PJA2: variants seen among roughly 807,000 people sequenced by gnomAD.
The protein encoded by PJA2 is E3 ubiquitin-protein ligase Praja-2.
PJA2 carries 25 observed loss-of-function variants against 69.3 expected under a neutral mutation model. That is an observed-to-expected ratio of 0.36 (90% CI 0.26 to 0.50). The LOEUF (loss-of-function observed/expected upper bound fraction) is 0.50. PJA2 is among the 20% of genes least tolerant of loss of function. The probability of loss-of-function intolerance (pLI) is 0.96; values close to 1 mark genes in which losing one functional copy is unlikely to be tolerated. For synonymous variants in PJA2, 308 were observed against 277.8 expected, an observed-to-expected ratio of 1.11 and a Z score of -1.08; for missense variants, 809 against 830.2, an observed-to-expected ratio of 0.97 and a Z score of 0.31.
intron 1 of PJA2, among the ~76,000 whole-genome samples, chr5:109,399,276 G>T (rs1747487466): frequency 6.6e-6 from 1 of 151,506 alleles, no homozygotes; most frequent in African/African-American, 2.4e-5. Flanking sequence ...CAGCATCATT[G>T]GCCCATACCC....
At chr5:109,383,560 G>T in intron 1 of PJA2, 40 bp from the exon 2 acceptor site, 1 of 726,610 alleles carries the variant, frequency 1.4e-6, no homozygotes. Flanking sequence ...ATTAATAAAA[G>T]CACAAAAATA....
chr5:109,344,440 C>A, intron 8 of PJA2, 129 bp from the exon 9 acceptor site: 1 of 1,010,304 alleles, frequency 9.9e-7, no homozygotes, highest in South Asian at 2.2e-5. Context: ...AGTTAATTGG[C>A]AGGCATTTCT....
chr5:109,394,039 CTTTTT>C lies in PJA2; in HGVS notation c.-87-10524_-87-10520del, dbSNP rs75679188. Among the ~76,000 whole-genome samples the C allele has an allele frequency of 1.6e-4, 13 of 81,880 alleles. No homozygotes were observed. In the South Asian group the frequency reaches 2.9e-3, roughly 18 times the overall value. The allele number at this position is 81,880 out of a possible 152,430, so 53.7% of individuals were successfully genotyped here. A position where few individuals can be genotyped will look rare whatever the true frequency, so the allele number is the denominator to read the frequency against. On this transcript the variant is annotated intron_variant, in intron 1 of 9. Coordinates refer to ENST00000361189, the MANE Select transcript of PJA2 (RefSeq NM_014819.5). ...GATGTGCTAGTAACATTCTAATTCT[CTTTTT>C]TTTTTTTTTTTTTTTTTTTTGGAGA...
chr5:109,365,416 T>C (rs1469170421), intron 5 of PJA2, among the ~76,000 whole-genome samples: 1 of 152,196 alleles, frequency 6.6e-6, no homozygotes, highest in African/African-American at 2.4e-5. Flanking sequence ...CACATATGTC[T>C]ACACAATGTG....
rs2127006656 is a variant in PJA2, at chr5:109,379,092, A to G, written c.395T>C (p.Leu132Ser). Residue 132 changes from leucine to serine, a missense_variant, in exon 4 of 10, where the codon TTA becomes TCA. Physicochemically the swap from Leu to Ser is moderately radical, Grantham distance 145 (BLOSUM62 -2). Transcript: ENST00000361189. ...ATTATGAAGATTTGTACTGCTTCCT[A>G]AGGTATCCCTGCCTTCCTCACTGTG... ...VHHSEEGRDT[L>S]GSSTNLHNHS... is the part of the protein sequence containing the mutation. 1 of 1,614,042 alleles carries G rather than the reference A, an allele frequency of 6.2e-7. No individual in the cohort carries two copies. The highest frequency in any genetic ancestry group is 1.3e-5 in the African/African-American group (1 of 75,014).
chr5:109,354,729 A>G, intron 7 of PJA2, among the ~76,000 whole-genome samples: 1 of 146,904 alleles, frequency 6.8e-6, no homozygotes, highest in East Asian at 2.0e-4. Context: ...TATATATTAT[A>G]TATTAGAGAG....
intron 6 of PJA2, among the ~76,000 whole-genome samples, chr5:109,356,777 T>A (rs1272383417): frequency 6.6e-6 from 1 of 152,184 alleles, no homozygotes; most frequent in Non-Finnish European, 1.5e-5. Flanking sequence ...TCTGTCTTCT[T>A]CTAAGATTAG....
intron 1 of PJA2, among the ~76,000 whole-genome samples, chr5:109,385,213 T>A (rs916069471): frequency 2.0e-5 from 3 of 152,202 alleles, no homozygotes; most frequent in Non-Finnish European, 4.4e-5. Flanking sequence ...GGCTACTGTA[T>A]TGAATAGCAT....
chr5:109,349,123 G>C (rs1289349363), intron 7 of PJA2, among the ~76,000 whole-genome samples: 1 of 152,148 alleles, frequency 6.6e-6, no homozygotes, highest in Non-Finnish European at 1.5e-5. Flanking sequence ...TATTTTGTTG[G>C]GTGGAAATAC....
chr5:109,401,955 A>C (rs142981857), intron 1 of PJA2, among the ~76,000 whole-genome samples: 3 of 152,342 alleles, frequency 2.0e-5, no homozygotes, highest in African/African-American at 7.2e-5. Flanking sequence ...AATAGCACAA[A>C]AGATAAGGAG....
intron 1 of PJA2, chr5:109,390,494 T>C (rs1030730364): frequency 6.6e-6 from 1 of 152,052 alleles, no homozygotes; most frequent in Non-Finnish European, 1.5e-5. Context: ...ATAAATAGAA[T>C]ATAGGTAGGT....
chr5:109,370,101 C>T (rs889704671), intron 4 of PJA2, among the ~76,000 whole-genome samples: 1 of 145,864 alleles, frequency 6.9e-6, no homozygotes, highest in Non-Finnish European at 1.5e-5. Flanking sequence ...AACTTGGTTA[C>T]AATTAACTAC....
intron 1 of PJA2, among the ~76,000 whole-genome samples, chr5:109,398,509 T>C (rs1044185332): frequency 1.3e-5 from 2 of 151,870 alleles, no homozygotes; most frequent in Non-Finnish European, 2.9e-5. Context: ...CCATCATTAG[T>C]TCTCAGCAAA....
Position 109,368,597 on chromosome 5 carries a change from G to A in PJA2, c.1433C>T (p.Pro478Leu), listed in dbSNP as rs1269412163. 6.2e-7 allele frequency: 1 copy of A among 1,613,638 alleles called. No individual in the cohort carries two copies. Among genetic ancestry groups the A allele is most frequent in the Non-Finnish European group, 8.5e-7 (1 of 1,179,882 alleles). ...AGATAATTCTTGGTTTTCTTCTTCA[G>A]GGCCACTGCTATCACTTTGTAGCTC... is the stretch of plus-strand genomic sequence containing the variant. ...EPELQSDSSG[P>L]EEENQELSLQ... Residue 478 changes from proline to leucine, a missense_variant, in exon 5 of 10, where the codon CCT becomes CTT. Coordinates refer to ENST00000361189, the MANE Select transcript of PJA2 (RefSeq NM_014819.5).
chr5:109,363,914 G>A (rs556573048), intron 5 of PJA2, among the ~76,000 whole-genome samples: 10 of 152,186 alleles, frequency 6.6e-5, no homozygotes, highest in African/African-American at 2.4e-5. Context: ...CACTTTGGGA[G>A]TCCGAGTCAG....
At chr5:109,385,609 G>A (rs1747140052) in intron 1 of PJA2, among the ~76,000 whole-genome samples, 1 of 152,190 alleles carries the variant, frequency 6.6e-6, no homozygotes. Context: ...TGAGCTGTTA[G>A]TATAATTTGG....
intron 4 of PJA2, among the ~76,000 whole-genome samples, chr5:109,376,256 TAAA>T (rs10612724): frequency 0.26 from 34,291 of 132,540 alleles, 6,987 homozygotes; most frequent in African/African-American, 0.57. Context: ...ATATTGTTTG[TAAA>T]AAAAAAAAAA....
intron 6 of PJA2, among the ~76,000 whole-genome samples, chr5:109,357,237 C>T (rs1762427917): frequency 6.6e-6 from 1 of 151,984 alleles, no homozygotes; most frequent in African/African-American, 2.4e-5. Context: ...TAAAGACAAA[C>T]TAAACTTGTT....
At position 109,378,663 on chromosome 5, in the gene PJA2, T is replaced by G. The variant is rs1293568196; in HGVS notation, c.824A>C (p.Gln275Pro). 1 of 1,613,998 alleles carries G rather than the reference T, an allele frequency of 6.2e-7. No individual in the cohort carries two copies. The highest frequency in any genetic ancestry group is 8.5e-7 in the Non-Finnish European group (1 of 1,180,024). The part of the protein sequence containing the change: ...VSTKQQNNTS[Q>P]ERQTEHSPED... ...AGGTGAATGTTCTGTCTGTCTTTCC[T>G]GGCTAGTATTATTTTGTTGTTTCGT... Residue 275 changes from glutamine (Q) to proline (P), a missense_variant, in exon 4 of 10, where the codon CAG becomes CCG. By Grantham distance (76) the Gln-to-Pro change is moderately conservative (BLOSUM62 -1). Transcript: ENST00000361189.
Sources: gnomAD v4.1 joint callset for allele counts (sites outside exome capture counted in the v4.1 genomes callset) on GRCh38, gnomAD v4.1.1 for gene constraint, MANE v1.5 for transcripts, NCBI Gene and HGNC (gene_info 2026-07-23, HGNC 2026-07-21) for gene names.